The following GMDS variants were observed in gnomAD, a reference collection of about 807,000 sequenced individuals.
GMDS encodes GDP-mannose 4,6-dehydratase.
A neutral mutation model predicts 49.9 loss-of-function variants in GMDS; 20 were observed. That is an observed-to-expected ratio of 0.40 (90% CI 0.28 to 0.58). GMDS has a LOEUF of 0.58. Ranked by LOEUF, GMDS falls within the 20% of genes least tolerant of loss-of-function variation. The probability of loss-of-function intolerance (pLI) is 0.42; values close to 1 mark genes in which losing one functional copy is unlikely to be tolerated. For missense variants in GMDS, 362 were observed against 481.4 expected, an observed-to-expected ratio of 0.75 and a Z score of 2.32; for synonymous variants, 177 against 178.6, an observed-to-expected ratio of 0.99 and a Z score of 0.07.
At chr6:1,944,533 G>C (rs991153393) in intron 6 of GMDS, among the ~76,000 whole-genome samples, 1 of 151,906 alleles carries the variant, frequency 6.6e-6, no homozygotes, top group African/African-American at 2.4e-5. Flanking sequence ...AGCCAGGCGT[G>C]GTGGCGGGCG....
chr6:1,843,176 T>C (rs1302283043), intron 7 of GMDS, among the ~76,000 whole-genome samples: 1 of 150,506 alleles, frequency 6.6e-6, no homozygotes, highest in African/African-American at 2.5e-5. Context: ...GGATTCTGCC[T>C]GGTTGGTACA....
At chr6:1,894,609 G>A (rs1760057217) in intron 7 of GMDS, among the ~76,000 whole-genome samples, 1 of 152,192 alleles carries the variant, frequency 6.6e-6, no homozygotes, top group Non-Finnish European at 1.5e-5. Context: ...TAGAGAGTGA[G>A]ATGTTATACC....
intron 1 of GMDS, among the ~76,000 whole-genome samples, chr6:2,200,445 G>T (rs1224904137): frequency 6.6e-6 from 1 of 150,550 alleles, no homozygotes; most frequent in Admixed American, 6.6e-5. Context: ...CAGGCAGTGA[G>T]GGCAGCATGT....
At chr6:1,871,310 G>A (rs1240985500) in intron 7 of GMDS, among the ~76,000 whole-genome samples, 4 of 152,138 alleles carry the variant, frequency 2.6e-5, no homozygotes, top group African/African-American at 4.8e-5. Context: ...AAAAACCTAC[G>A]TAAATACGTT....
At chr6:2,038,499 C>T (rs1384706375) in intron 4 of GMDS, among the ~76,000 whole-genome samples, 5 of 152,148 alleles carry the variant, frequency 3.3e-5, no homozygotes, top group Non-Finnish European at 7.3e-5. Context: ...AGTGTTCCTT[C>T]AGCTAGCAGC....
chr6:1,656,839 AACTGAGAT>A (rs2113234366), intron 9 of GMDS, among the ~76,000 whole-genome samples: 1 of 152,034 alleles, frequency 6.6e-6, no homozygotes, highest in Non-Finnish European at 1.5e-5. Flanking sequence ...TCTACCGTAT[AACTGAGAT>A]ACTACCTGTA....
chr6:1,899,252 GAATGTCAGATTTA>G (rs1469467604), intron 7 of GMDS, among the ~76,000 whole-genome samples: 2 of 151,348 alleles, frequency 1.3e-5, no homozygotes, highest in Admixed American at 1.3e-4. Flanking sequence ...ATCTTACTTA[GAATGTCAGATTTA>G]AATGTTATCA....
At chr6:2,192,828 C>G (rs163071) in intron 1 of GMDS, among the ~76,000 whole-genome samples, 24,973 of 152,192 alleles carry the variant, frequency 0.16, 4,770 homozygotes, top group African/African-American at 0.46. Context: ...CAGGCCGGTA[C>G]CATGAGCTAA....
At chr6:1,624,827 CTTTTT>C (rs551321002) in intron 9 of GMDS, 8,206 of 82,870 alleles carry the variant, frequency 0.099, 208 homozygotes, top group African/African-American at 0.19. Context: ...GCTCTTAATG[CTTTTT>C]TTTTTTTTTT....
intron 7 of GMDS, among the ~76,000 whole-genome samples, chr6:1,792,946 C>T (rs1769600166): frequency 6.6e-6 from 1 of 152,180 alleles, no homozygotes; most frequent in South Asian, 2.1e-4. Flanking sequence ...TTACATTCTG[C>T]TCTGGGAAAT....
chr6:1,624,066 G>T lies in GMDS; in HGVS notation c.*103C>A. 9.7e-7 allele frequency: 1 copy of T among 1,029,528 alleles called. No individual in the cohort carries two copies. Among genetic ancestry groups the T allele is most frequent in the Non-Finnish European group, 1.5e-6 (1 of 689,588 alleles). 63.8% of individuals were successfully genotyped at this position (1,029,528 alleles called of 1,614,324 possible). ...GCGCAGCGGCAGCAGGGGCCGCAGG[G>T]GACCCGCAGATTGGCACGCCGCTCC... On this transcript the variant is annotated 3_prime_UTR_variant, in exon 11 of 11. Coordinates refer to ENST00000380815, the MANE Select transcript of GMDS (RefSeq NM_001500.4).
chr6:1,784,407 A>G (rs925975037), intron 7 of GMDS, among the ~76,000 whole-genome samples: 16 of 151,566 alleles, frequency 1.1e-4, no homozygotes, highest in African/African-American at 2.4e-4. Flanking sequence ...AAAAAAAAAA[A>G]AAAAAAAGAA....
intron 7 of GMDS, among the ~76,000 whole-genome samples, chr6:1,811,826 A>T (rs1159879020): frequency 6.6e-6 from 1 of 152,194 alleles, no homozygotes; most frequent in African/African-American, 2.4e-5. Context: ...TTACAGTACA[A>T]TGTCCACAGA....
rs539686836 is a variant in GMDS, at chr6:1,934,794, A to C, written c.644-4564T>G. Among the ~76,000 whole-genome samples the C allele has an allele frequency of 2.0e-5, 3 of 152,272 alleles. No homozygotes were observed. The South Asian group carries it at 6.2e-4, about 32-fold the overall frequency. On this transcript the variant is annotated intron_variant, in intron 6 of 10. Coordinates refer to ENST00000380815, the MANE Select transcript of GMDS (RefSeq NM_001500.4). The stretch of plus-strand genomic sequence containing the variant: ...TCATTTTTACTCCATGTTACAGAAG[A>C]ATGCTCTTTTAAGGAAGAAACTATA...
At chr6:1,764,883 G>A (rs980404770) in intron 7 of GMDS, among the ~76,000 whole-genome samples, 11 of 152,124 alleles carry the variant, frequency 7.2e-5, no homozygotes, top group African/African-American at 2.7e-4. Context: ...CTCAACATGC[G>A]GGTTTTTGCA....
intron 6 of GMDS, among the ~76,000 whole-genome samples, chr6:1,934,109 C>T (rs535017847): frequency 6.6e-6 from 1 of 152,232 alleles, no homozygotes; most frequent in Admixed American, 6.5e-5. Context: ...ATCCAGCTGT[C>T]TCAGTATTAT....
intron 1 of GMDS, among the ~76,000 whole-genome samples, chr6:2,200,435 C>T (rs1015229021): frequency 1.5e-3 from 149 of 101,258 alleles, no homozygotes; most frequent in Admixed American, 4.0e-3. Context: ...TGTAACCATC[C>T]AGGCAGTGAG....
Position 2,221,640 on chromosome 6 carries a change from G to T in GMDS, c.102+23681C>A, listed in dbSNP as rs895594043. 2.6e-5 allele frequency among the ~76,000 whole-genome samples: 4 copies of T among 152,224 alleles called. No homozygotes were observed. The East Asian group carries it at 7.7e-4, about 29-fold the overall frequency. Reference sequence around the variant, plus strand: ...CCTGACCTCGTGATCCGACTGCCTCGGCCTCCCAAAGTGCTGGGATTACAG... The same window carrying T: ...CCTGACCTCGTGATCCGACTGCCTCTGCCTCCCAAAGTGCTGGGATTACAG... On this transcript the variant is annotated intron_variant, in intron 1 of 10. Coordinates refer to ENST00000380815, the MANE Select transcript of GMDS (RefSeq NM_001500.4).
chr6:1,809,053 A>G (rs1770302635), intron 7 of GMDS, among the ~76,000 whole-genome samples: 1 of 152,234 alleles, frequency 6.6e-6, no homozygotes. Flanking sequence ...TTATATCAAT[A>G]CTTTCCATGA....
Sources: gnomAD v4.1 joint callset for allele counts (sites outside exome capture counted in the v4.1 genomes callset) on GRCh38, gnomAD v4.1.1 for gene constraint, MANE v1.5 for transcripts, NCBI Gene and HGNC (gene_info 2026-07-23, HGNC 2026-07-21) for gene names.